GALNT13: variants seen among roughly 807,000 people sequenced by gnomAD.
The protein encoded by GALNT13 is UDP-GalNAc:polypeptide N-acetylgalactosaminyltransferase 13.
Under a neutral mutation model 64.2 loss-of-function variants are expected in GALNT13, and 28 were observed. The observed-to-expected ratio is 0.44, with a 90% CI of 0.32 to 0.60. GALNT13 has a LOEUF of 0.60. GALNT13 is among the 20% of genes least tolerant of loss of function. GALNT13 has a pLI of 0.05. For missense variants in GALNT13, 577 were observed against 669.8 expected, an observed-to-expected ratio of 0.86 and a Z score of 1.53; for synonymous variants, 214 against 224.6, an observed-to-expected ratio of 0.95 and a Z score of 0.42.
At chr2:153,548,320 T>C in the GALNT13 span, among the ~76,000 whole-genome samples, 31 of 152,154 alleles carry the variant, frequency 2.0e-4, no homozygotes, top group African/African-American at 6.8e-4. Context: ...GTAAGCAAAA[T>C]AGTAAGACTT....
chr2:154,189,210 G>C (rs192535033), intron 4 of GALNT13, among the ~76,000 whole-genome samples: 77 of 152,124 alleles, frequency 5.1e-4, no homozygotes, highest in African/African-American at 1.8e-3. Flanking sequence ...ATTCAGACTA[G>C]TGTATAGAGA....
At chr2:153,393,863 A>C in the GALNT13 span, among the ~76,000 whole-genome samples, 3 of 151,842 alleles carry the variant, frequency 2.0e-5, no homozygotes, top group African/African-American at 7.3e-5. Context: ...CTGCTAGCCA[A>C]GCTTGCAGAT....
At chr2:154,129,503 TA>T (rs1232770310) in intron 3 of GALNT13, among the ~76,000 whole-genome samples, 1 of 152,160 alleles carries the variant, frequency 6.6e-6, no homozygotes, top group Admixed American at 6.5e-5. Flanking sequence ...TTGAGACATG[TA>T]AAAATGTGTG....
the GALNT13 span, among the ~76,000 whole-genome samples, chr2:153,439,116 C>T: frequency 6.6e-6 from 1 of 152,144 alleles, no homozygotes; most frequent in Non-Finnish European, 1.5e-5. Flanking sequence ...GTATCAGCAG[C>T]AGTGGCTCCA....
At chr2:153,628,009 T>C in the GALNT13 span, among the ~76,000 whole-genome samples, 10 of 152,192 alleles carry the variant, frequency 6.6e-5, no homozygotes, top group Non-Finnish European at 1.3e-4. Context: ...CATTTGTTTG[T>C]ATACTCTTAT....
At chr2:153,390,500 T>G in the GALNT13 span, among the ~76,000 whole-genome samples, 1 of 152,002 alleles carries the variant, frequency 6.6e-6, no homozygotes, top group Non-Finnish European at 1.5e-5. Flanking sequence ...ACATTGGAAA[T>G]GATAAAGATC....
At chr2:153,181,997 T>G in the GALNT13 span, among the ~76,000 whole-genome samples, 28 of 150,896 alleles carry the variant, frequency 1.9e-4, no homozygotes, top group Middle Eastern at 3.4e-3. Context: ...AGCTTGAAAA[T>G]AAATTCTCAT....
chr2:153,293,642 G>T, the GALNT13 span, among the ~76,000 whole-genome samples: 3 of 152,116 alleles, frequency 2.0e-5, no homozygotes, highest in Admixed American at 2.0e-4. Flanking sequence ...TTAAATTTGT[G>T]CTAATTCATC....
chr2:153,093,429 G>T, the GALNT13 span, among the ~76,000 whole-genome samples: 1 of 151,792 alleles, frequency 6.6e-6, no homozygotes, highest in Non-Finnish European at 1.5e-5. Flanking sequence ...AGTAGAGACA[G>T]GGTTTCACCA....
At chr2:154,329,817 T>C (rs749738239) in intron 9 of GALNT13, among the ~76,000 whole-genome samples, 11 of 152,032 alleles carry the variant, frequency 7.2e-5, no homozygotes, top group Non-Finnish European at 1.5e-4. Flanking sequence ...CACCTCTGCC[T>C]CTTTCCTTCT....
intron 12 of GALNT13, among the ~76,000 whole-genome samples, chr2:154,441,100 G>A (rs16837425): frequency 2.0e-5 from 3 of 151,912 alleles, no homozygotes; most frequent in East Asian, 1.9e-4. Flanking sequence ...CAAAATCTCC[G>A]ATCATTCATA....
At chr2:153,893,263 TCTTA>T (rs1243261621) in intron 1 of GALNT13, among the ~76,000 whole-genome samples, 2 of 152,116 alleles carry the variant, frequency 1.3e-5, no homozygotes, top group African/African-American at 2.4e-5. Context: ...TGATTTTGTT[TCTTA>T]CTTATGTTGC....
At chr2:153,739,065 T>C in the GALNT13 span, among the ~76,000 whole-genome samples, 2 of 151,932 alleles carry the variant, frequency 1.3e-5, no homozygotes, top group Non-Finnish European at 2.9e-5. Context: ...ATAAATTGAA[T>C]GTAATAGTAC....
At chr2:154,363,071 G>A (rs1222133863) in intron 9 of GALNT13, among the ~76,000 whole-genome samples, 1 of 152,042 alleles carries the variant, frequency 6.6e-6, no homozygotes, top group Non-Finnish European at 1.5e-5. Context: ...TTCAAAACTT[G>A]TTTTTTTCTC....
At chr2:154,153,093 G>A (rs567491195) in intron 4 of GALNT13, among the ~76,000 whole-genome samples, 13 of 152,250 alleles carry the variant, frequency 8.5e-5, no homozygotes, top group East Asian at 7.7e-4. Flanking sequence ...TGATGGTGAC[G>A]TACAGATGGG....
intron 11 of GALNT13, among the ~76,000 whole-genome samples, chr2:154,422,311 T>C (rs2037664): frequency 0.038 from 5,853 of 152,266 alleles, 149 homozygotes; most frequent in Middle Eastern, 0.065. Flanking sequence ...TTCTTATTCA[T>C]GTTATTTAGT....
the GALNT13 span, among the ~76,000 whole-genome samples, chr2:153,333,374 T>C: frequency 1.3e-5 from 2 of 152,124 alleles, no homozygotes; most frequent in Non-Finnish European, 2.9e-5. Context: ...TACTAGGACT[T>C]TACTCATTTT....
At chr2:153,120,992 A>G in the GALNT13 span, among the ~76,000 whole-genome samples, 1 of 152,218 alleles carries the variant, frequency 6.6e-6, no homozygotes, top group African/African-American at 2.4e-5. Flanking sequence ...GTGTGATCCT[A>G]TAGTTATAAT....
chr2:153,634,003 G>A, the GALNT13 span, among the ~76,000 whole-genome samples: 1 of 152,118 alleles, frequency 6.6e-6, no homozygotes, highest in East Asian at 1.9e-4. Flanking sequence ...GAGTGCTGTT[G>A]AATTAAAGAT....
Sources: allele counts gnomAD v4.1 joint callset (sites outside exome capture counted in the v4.1 genomes callset), GRCh38; gene constraint gnomAD v4.1.1; transcripts MANE v1.5; gene names NCBI Gene and HGNC (gene_info 2026-07-23, HGNC 2026-07-21).